Variants in CR1 observed in about 807,000 individuals in gnomAD.
CR1 encodes the protein complement receptor type 1.
In CR1, 116 loss-of-function variants were observed where a neutral mutation model predicts 187.3. That is an observed-to-expected ratio of 0.62 (90% confidence interval 0.53 to 0.72). CR1 has a LOEUF of 0.72. Among genes scored for constraint, CR1 ranks in the 30% least tolerant of loss-of-function variants. CR1 has a pLI of 0.00. For missense variants in CR1, 1,731 were observed against 2,110.7 expected, an observed-to-expected ratio of 0.82 and a Z score of 3.52; for synonymous variants, 576 against 747.1, an observed-to-expected ratio of 0.77 and a Z score of 3.73.
In CR1 at chr1:207,580,669, G is replaced by A. The variant is rs564185954; in HGVS notation, c.5216+56G>A. 44 of 1,482,506 alleles carry A rather than the reference G, an allele frequency of 3.0e-5. No individual in the cohort carries two copies. In the African/African-American group the frequency reaches 6.2e-4, roughly 21 times the overall value. 91.8% of individuals were successfully genotyped at this position (1,482,506 alleles called of 1,614,324 possible). Reference sequence around the variant, plus strand: ...CTCAGCACTGCAGAGTGACTCTTGAGCTTAAGGATCAATCCAAAAAGAGGG... The same window carrying A: ...CTCAGCACTGCAGAGTGACTCTTGAACTTAAGGATCAATCCAAAAAGAGGG... On this transcript the variant is annotated intron_variant, in intron 31 of 46. Coordinates refer to ENST00000367049, the MANE Select transcript of CR1 (RefSeq NM_000651.6).
chr1:207,577,836 C>A lies in CR1; in HGVS notation c.4569C>A (p.Ala1523=), dbSNP rs771213574. 33 of 1,613,802 alleles carry A rather than the reference C, an allele frequency of 2.0e-5. No homozygotes were observed. The highest frequency in any genetic ancestry group is 8.5e-7 in the Non-Finnish European group (1 of 1,179,880). The change falls in exon 29 of 47, where the codon GCC becomes GCA. Residue 1523 remains alanine, a synonymous_variant. Transcript: ENST00000367049. ...RIPCGLPPTI[A]NGDFISTNRE... is the part of the protein sequence containing the mutation. ...CTTGTGGGCTACCCCCAACCATCGC[C>A]AATGGAGATTTCATTAGCACCAACA... is the stretch of plus-strand genomic sequence containing the variant.
intron 1 of CR1, among the ~76,000 whole-genome samples, chr1:207,500,667 A>G (rs1659238815): frequency 6.6e-6 from 1 of 152,220 alleles, no homozygotes; most frequent in African/African-American, 2.4e-5. Flanking sequence ...ATTATAATAT[A>G]CTGCTATTTG....
chr1:207,581,810 A>G, intron 31 of CR1, 108 bp from the exon 32 acceptor site: 1 of 722,564 alleles, frequency 1.4e-6, no homozygotes, highest in East Asian at 2.8e-5. Context: ...TAGCTTGAGC[A>G]GTAAAATGTT....
At chr1:207,626,447 G>T (rs1244404663) in intron 45 of CR1, among the ~76,000 whole-genome samples, 1 of 152,130 alleles carries the variant, frequency 6.6e-6, no homozygotes, top group African/African-American at 2.4e-5. Context: ...TCCTTATCTG[G>T]AGCTCAAGCT....
chr1:207,574,218 G>A (rs1156359395), intron 27 of CR1, among the ~76,000 whole-genome samples: 1 of 152,118 alleles, frequency 6.6e-6, no homozygotes, highest in East Asian at 1.9e-4. Flanking sequence ...AAGCAAATAA[G>A]CCCATACCTA....
chr1:207,587,282 C>G (rs539570828), intron 33 of CR1, 104 bp from the exon 34 acceptor site: 3 of 989,770 alleles, frequency 3.0e-6, no homozygotes, highest in Non-Finnish European at 4.4e-6. Context: ...TCTTGTAAGT[C>G]TCTTTGTTTC....
rs528180432 is a variant in CR1 at position 207,515,357 on chromosome 1, T to C, written c.487+3703T>C. 1.9e-3 allele frequency among the ~76,000 whole-genome samples: 281 copies of C among 151,042 alleles called. 2 individuals are homozygous for C. The highest frequency in any genetic ancestry group is 0.014 in the Admixed American group (210 of 15,136). On this transcript the variant is annotated intron_variant, in intron 4 of 46. Transcript: ENST00000367049. ...TGTATATATGCACACATCTTAATCATGCAGTTCAATGGAGTTTTACAAAGT... is the reference window on the plus strand; with the variant it reads ...TGTATATATGCACACATCTTAATCACGCAGTTCAATGGAGTTTTACAAAGT...
rs541490459 is a variant in CR1, at chr1:207,607,156, T to G, written c.5811-95T>G. ...AGGTCTGCCATGGTGTAATCTGTCC[T>G]GTAATGTCTAATGTCTACCTGCTAT... On this transcript the variant is annotated intron_variant, in intron 35 of 46. Transcript: ENST00000367049. 6.2e-6 allele frequency: 6 copies of G among 964,140 alleles called. No individual in the cohort carries two copies. The East Asian group carries it at 1.4e-4, about 23-fold the overall frequency. The allele number at this position is 964,140 out of a possible 1,614,324, so 59.7% of individuals were successfully genotyped here.
In CR1 at chr1:207,639,592, T is replaced by C; in HGVS notation, c.*183T>C. ...ACCTAGCAAAGCTCCTGCCTCTTTG[T>C]GTGCGTCACTGTGAAACCCCCACCC... On this transcript the variant is annotated 3_prime_UTR_variant, in exon 47 of 47. Transcript: ENST00000367049. 3 of 581,678 alleles carry C rather than the reference T, an allele frequency of 5.2e-6. No individual in the cohort carries two copies. Among genetic ancestry groups the C allele is most frequent in the Non-Finnish European group, 9.1e-6 (3 of 328,012 alleles). The allele number at this position is 581,678 out of a possible 1,614,324, so 36.0% of individuals were successfully genotyped here. A position where few individuals can be genotyped will look rare whatever the true frequency, so the allele number is the denominator to read the frequency against.
intron 24 of CR1, 26 bp from the exon 25 acceptor site, chr1:207,567,798 A>T (rs748646716): frequency 1.9e-6 from 3 of 1,610,890 alleles, no homozygotes; most frequent in Non-Finnish European, 2.5e-6. Flanking sequence ...CCTGAATGAA[A>T]CTTAGAGCTT....
intron 4 of CR1, among the ~76,000 whole-genome samples, chr1:207,515,038 T>C (rs572487742): frequency 3.3e-4 from 49 of 147,220 alleles, no homozygotes; most frequent in African/African-American, 1.2e-3. Flanking sequence ...TATATACATA[T>C]ATACTTATAT....
At chr1:207,518,248 A>T (rs551272627) in intron 4 of CR1, among the ~76,000 whole-genome samples, 4 of 152,146 alleles carry the variant, frequency 2.6e-5, no homozygotes, top group Non-Finnish European at 2.9e-5. Context: ...ATATTTAGAG[A>T]TCTTCTAGTT....
chr1:207,496,497 G>A (rs1362824021), intron 1 of CR1, 109 bp downstream of exon 1: 255 of 1,186,566 alleles, frequency 2.1e-4, no homozygotes, highest in Non-Finnish European at 2.6e-4. Flanking sequence ...GCCCGGGTCC[G>A]AAGGCAGCGC....
chr1:207,501,034 A>G (rs1464951338), intron 1 of CR1, among the ~76,000 whole-genome samples: 2 of 152,216 alleles, frequency 1.3e-5, no homozygotes, highest in Non-Finnish European at 2.9e-5. Flanking sequence ...GATTTCCTTT[A>G]TACAATAGGA....
chr1:207,600,398 C>T (rs1661571129), intron 35 of CR1, among the ~76,000 whole-genome samples: 1 of 152,052 alleles, frequency 6.6e-6, no homozygotes, highest in Admixed American at 6.6e-5. Context: ...ACTTTGAAAC[C>T]TTTATCACAG....
Position 207,568,043 on chromosome 1 carries a change from G to C in CR1, c.4171+1G>C, listed in dbSNP as rs748944113. 2 of 1,610,754 alleles carry C rather than the reference G, an allele frequency of 1.2e-6. No homozygotes were observed. Among genetic ancestry groups the C allele is most frequent in the Middle Eastern group, 1.7e-4 (1 of 6,052 alleles). On this transcript the variant is annotated splice_donor_variant, in intron 25 of 46. Transcript: ENST00000367049. LOFTEE classifies it high-confidence loss of function. ...CCTGCCCCTCGCTGTGGAATTCTGGGTTAGTGCTCATTTCCCCACATCCCT... is the reference window on the plus strand; with the variant it reads ...CCTGCCCCTCGCTGTGGAATTCTGGCTTAGTGCTCATTTCCCCACATCCCT...
At chr1:207,501,079 A>G (rs1659252407) in intron 1 of CR1, among the ~76,000 whole-genome samples, 1 of 152,266 alleles carries the variant, frequency 6.6e-6, no homozygotes, top group Non-Finnish European at 1.5e-5. Context: ...ATGAAATTTT[A>G]GAAAGTCAAA....
At chr1:207,629,237 T>G (rs1303475421) in intron 45 of CR1, among the ~76,000 whole-genome samples, 1 of 152,194 alleles carries the variant, frequency 6.6e-6, no homozygotes, top group African/African-American at 2.4e-5. Flanking sequence ...TTTCCATTGT[T>G]GTGATGTTTA....
chr1:207,515,099 G>A (rs1319344854), intron 4 of CR1, among the ~76,000 whole-genome samples: 1 of 139,102 alleles, frequency 7.2e-6, no homozygotes, highest in Non-Finnish European at 1.6e-5. Context: ...ATGTATATGT[G>A]TATATATGTA....
Sources: gnomAD v4.1 joint callset for allele counts (sites outside exome capture counted in the v4.1 genomes callset) on GRCh38, gnomAD v4.1.1 for gene constraint, MANE v1.5 for transcripts, NCBI Gene and HGNC (gene_info 2026-07-23, HGNC 2026-07-21) for gene names.